Variants in GSE1 observed in about 807,000 individuals in gnomAD.
The protein encoded by GSE1 is Gse1 coiled-coil protein.
A neutral mutation model predicts 112.6 loss-of-function variants in GSE1; 32 were observed. The observed-to-expected ratio is 0.28, with a 90% CI of 0.21 to 0.38. The LOEUF is 0.38. Among genes scored for constraint, GSE1 ranks in the 10% least tolerant of loss-of-function variants. The pLI is 1.00. For synonymous variants in GSE1, 1,115 were observed against 735.6 expected (o/e 1.52, Z -8.35); for missense variants, 2,348 against 1,699.2 (o/e 1.38, Z -6.71).
intron 2 of GSE1, among the ~76,000 whole-genome samples, chr16:85,404,327 AG>A (rs1298932999): frequency 3.5e-4 from 19 of 53,928 alleles, no homozygotes; most frequent in Non-Finnish European, 4.6e-4. Flanking sequence ...TCTTACACTC[AG>A]GGCCCCCCGG....
At position 85,654,582 on chromosome 16, in the gene GSE1, C is replaced by T. The variant is rs550158101; in HGVS notation, c.599+132C>T. ...CTAGATGGTTGTCGGCCGCTGAGCC[C>T]TGGGGATTGCAGCCCTGTCTGTGCC... is the stretch of plus-strand genomic sequence containing the variant. On this transcript the variant is annotated intron_variant, in intron 4 of 15. Coordinates refer to ENST00000253458, the MANE Select transcript of GSE1 (RefSeq NM_014615.5). 3 of 833,766 alleles carry T rather than the reference C, an allele frequency of 3.6e-6. No homozygotes were observed. In the Admixed American group the frequency reaches 7.3e-5, roughly 20 times the overall value. 51.6% of individuals were successfully genotyped at this position (833,766 alleles called of 1,614,324 possible).
At chr16:85,494,531 C>T (rs944950794) in intron 2 of GSE1, among the ~76,000 whole-genome samples, 1 of 151,244 alleles carries the variant, frequency 6.6e-6, no homozygotes, top group Non-Finnish European at 1.5e-5. Flanking sequence ...CAGCTCACTG[C>T]AGCCTCCACT....
intron 2 of GSE1, among the ~76,000 whole-genome samples, chr16:85,403,129 G>A (rs976190270): frequency 6.6e-6 from 1 of 152,140 alleles, no homozygotes; most frequent in Non-Finnish European, 1.5e-5. Context: ...TGGGATAGAG[G>A]CCTCAGTTCC....
intron 1 of GSE1, among the ~76,000 whole-genome samples, chr16:85,230,131 G>A (rs1904274664): frequency 6.6e-6 from 1 of 152,242 alleles, no homozygotes; most frequent in Non-Finnish European, 1.5e-5. Context: ...ACTGTAAGTG[G>A]TGCTGTCTGC....
At chr16:85,371,029 C>T (rs1195601652) in intron 2 of GSE1, among the ~76,000 whole-genome samples, 4 of 152,200 alleles carry the variant, frequency 2.6e-5, no homozygotes, top group African/African-American at 4.8e-5. Flanking sequence ...CACCCTCGCG[C>T]TCTCTTCTGG....
chr16:85,508,593 G>A (rs921693749), intron 2 of GSE1, among the ~76,000 whole-genome samples: 1 of 152,208 alleles, frequency 6.6e-6, no homozygotes, highest in Non-Finnish European at 1.5e-5. Context: ...CTGGATGGGT[G>A]TCAGGGCAGG....
intron 1 of GSE1, among the ~76,000 whole-genome samples, chr16:85,189,166 C>G (rs758840866): frequency 6.6e-6 from 1 of 152,242 alleles, no homozygotes; most frequent in African/African-American, 2.4e-5. Flanking sequence ...GGGGAGCCTT[C>G]TTTGCTGGCT....
intron 2 of GSE1, among the ~76,000 whole-genome samples, chr16:85,492,257 G>C (rs915112983): frequency 6.6e-6 from 1 of 152,162 alleles, no homozygotes; most frequent in Non-Finnish European, 1.5e-5. Flanking sequence ...CTGGCTGGGA[G>C]CCGCCCCCGT....
At chr16:85,286,882 T>C (rs1272177991) in intron 1 of GSE1, among the ~76,000 whole-genome samples, 2 of 152,138 alleles carry the variant, frequency 1.3e-5, no homozygotes, top group African/African-American at 4.8e-5. Context: ...CGTTGTCCCA[T>C]AGTATGGGCT....
At chr16:85,606,561 C>T (rs1232629304), upstream of GSE1, among the ~76,000 whole-genome samples, 4 of 152,176 alleles carry the variant, frequency 2.6e-5, no homozygotes, top group East Asian at 1.9e-4. Context: ...TGAGTCTGCC[C>T]GTCACTGGGT....
At chr16:85,390,275 G>A (rs982495311) in intron 2 of GSE1, among the ~76,000 whole-genome samples, 10 of 152,036 alleles carry the variant, frequency 6.6e-5, no homozygotes, top group African/African-American at 1.4e-4. Flanking sequence ...TTCTGCTGGC[G>A]TTGGGGTGGG....
At chr16:85,399,279 GC>G (rs982093058) in intron 2 of GSE1, among the ~76,000 whole-genome samples, 233 of 152,208 alleles carry the variant, frequency 1.5e-3, no homozygotes, top group African/African-American at 4.9e-3. Flanking sequence ...CGTCTGCTGG[GC>G]CCCCCCAGCA....
intron 1 of GSE1, among the ~76,000 whole-genome samples, chr16:85,287,540 C>T (rs117751858): frequency 0.028 from 4,286 of 152,250 alleles, 90 homozygotes; most frequent in Non-Finnish European, 0.045. Flanking sequence ...ACGCCGCTGC[C>T]TCAGGGCCTT....
At chr16:85,457,346 C>G (rs985903758) in intron 2 of GSE1, among the ~76,000 whole-genome samples, 8 of 152,204 alleles carry the variant, frequency 5.3e-5, no homozygotes, top group Non-Finnish European at 8.8e-5. Flanking sequence ...AGACTCCCCC[C>G]AGACTGGACC....
intron 1 of GSE1, among the ~76,000 whole-genome samples, chr16:85,235,999 G>A (rs941913415): frequency 2.6e-5 from 4 of 151,326 alleles, no homozygotes; most frequent in African/African-American, 9.7e-5. Flanking sequence ...CCTGGGCCTG[G>A]GGCTGAGGCT....
At chr16:85,484,437 A>G (rs1056215875) in intron 2 of GSE1, among the ~76,000 whole-genome samples, 4 of 152,378 alleles carry the variant, frequency 2.6e-5, no homozygotes, top group South Asian at 2.1e-4. Flanking sequence ...CAGAAACAAC[A>G]GATGGAGTTG....
At chr16:85,224,521 T>C (rs879122862) in intron 1 of GSE1, among the ~76,000 whole-genome samples, 2 of 152,120 alleles carry the variant, frequency 1.3e-5, no homozygotes, top group Admixed American at 1.3e-4. Context: ...GCTGAGCTTT[T>C]GGCAGTATCC....
At position 85,202,870 on chromosome 16, in the gene GSE1, G is replaced by A. The variant is rs2075052906; in HGVS notation, c.2283+31063G>A. Among the ~76,000 whole-genome samples the A allele has an allele frequency of 2.0e-5, 3 of 152,168 alleles. No homozygotes were observed. In the South Asian group the frequency reaches 6.2e-4, roughly 31 times the overall value. On this transcript the variant is annotated intron_variant, in intron 1 of 2. Transcript: ENST00000637419. ...TGGGCCTTGTCCTGCGCTCGCCCTG[G>A]AGACAGGCTGTGGGCCTCCTGGCTG...
intron 2 of GSE1, among the ~76,000 whole-genome samples, chr16:85,482,175 G>C (rs909769538): frequency 1.4e-4 from 21 of 152,368 alleles, no homozygotes; most frequent in African/African-American, 4.6e-4. Context: ...GATGCCCAGT[G>C]CTGTCGGCTG....
Sources: allele counts gnomAD v4.1 joint callset (sites outside exome capture counted in the v4.1 genomes callset), GRCh38; gene constraint gnomAD v4.1.1; transcripts MANE v1.5; gene names NCBI Gene and HGNC (gene_info 2026-07-23, HGNC 2026-07-21).